SLC6A3: variants seen among roughly 807,000 people sequenced by gnomAD.
The protein encoded by SLC6A3 is sodium-dependent dopamine transporter.
In SLC6A3, 19 loss-of-function variants were observed where a neutral mutation model predicts 70.4. The ratio of observed to expected loss-of-function variants is 0.27; its 90% CI spans 0.19 to 0.40. SLC6A3 has a LOEUF of 0.40. Among genes scored for constraint, SLC6A3 ranks in the 10% least tolerant of loss-of-function variants. SLC6A3 has a pLI of 1.00. For missense variants in SLC6A3, 613 were observed against 838.5 expected (o/e 0.73, Z 3.32); for synonymous variants, 368 against 356.6 (o/e 1.03, Z -0.36).
chr5:1,414,616 A>G, intron 8 of SLC6A3, 75 bp downstream of exon 8: 1 of 1,554,856 alleles, frequency 6.4e-7, no homozygotes, highest in Non-Finnish European at 8.7e-7. Flanking sequence ...CCTCTTTCAC[A>G]AGGAAAAAGG....
At chr5:1,420,109 G>A (rs1756399263) in intron 6 of SLC6A3, among the ~76,000 whole-genome samples, 1 of 152,166 alleles carries the variant, frequency 6.6e-6, no homozygotes, top group Non-Finnish European at 1.5e-5. Flanking sequence ...GCGGCTTTGG[G>A]GCCTGCCACC....
intron 4 of SLC6A3, among the ~76,000 whole-genome samples, chr5:1,423,333 C>T (rs1756506374): frequency 6.7e-6 from 1 of 150,370 alleles, no homozygotes; most frequent in Non-Finnish European, 1.5e-5. Flanking sequence ...TGGGTACCCA[C>T]CGCTGCCCAC....
chr5:1,428,931 C>G (rs1333298766), intron 4 of SLC6A3, among the ~76,000 whole-genome samples: 1 of 152,220 alleles, frequency 6.6e-6, no homozygotes, highest in Non-Finnish European at 1.5e-5. Flanking sequence ...AAATTTATGA[C>G]ACGTCATGTT....
At position 1,402,840 on chromosome 5, in the gene SLC6A3, G is replaced by T; in HGVS notation, c.1767+82C>A. 1 of 1,395,778 alleles carries T rather than the reference G, an allele frequency of 7.2e-7. No individual in the cohort carries two copies. The highest frequency in any genetic ancestry group is 1.0e-6 in the Non-Finnish European group (1 of 998,874). The allele number at this position is 1,395,778 out of a possible 1,614,324, so 86.5% of individuals were successfully genotyped here. ...TCTTGGTCACAGATGACCCAGGCAG[G>T]TGAGGACTGGGGCCATGGACACCCA... On this transcript the variant is annotated intron_variant, in intron 13 of 14. Coordinates refer to ENST00000270349, the MANE Select transcript of SLC6A3 (RefSeq NM_001044.5). The surrounding 1 kb of genome is among the most constrained non-coding windows in gnomAD (Gnocchi z 8.5).
Position 1,413,886 on chromosome 5 carries a change from G to A in SLC6A3, c.1156+805C>T, listed in dbSNP as rs930406086. 2.0e-5 allele frequency among the ~76,000 whole-genome samples: 3 copies of A among 152,198 alleles called. No individual in the cohort carries two copies. Among genetic ancestry groups the A allele is most frequent in the Non-Finnish European group, 2.9e-5 (2 of 68,020 alleles). ...GTGCCTGGGCCCACTCTCAGCCCCT[G>A]CATCTGTGCCCGTCCTGCCGGCTCC... On this transcript the variant is annotated intron_variant, in intron 8 of 14. Coordinates refer to ENST00000270349, the MANE Select transcript of SLC6A3 (RefSeq NM_001044.5). The surrounding 1 kb of genome is among the most constrained non-coding windows in gnomAD (Gnocchi z 7.1).
In SLC6A3 at chr5:1,436,061, C is replaced by G. The variant is rs909090250; in HGVS notation, c.419-3363G>C. Among the ~76,000 whole-genome samples, 6 of 150,088 alleles carry G rather than the reference C, an allele frequency of 4.0e-5. No individual in the cohort carries two copies. Among genetic ancestry groups the G allele is most frequent in the Non-Finnish European group, 7.4e-5 (5 of 67,594 alleles). On this transcript the variant is annotated intron_variant, in intron 3 of 14. Transcript: ENST00000270349. The surrounding 1 kb of genome is among the most constrained non-coding windows in gnomAD (Gnocchi z 5.2). Reference sequence around the variant, plus strand: ...AATGGCTCCCTTGAACGGTGGTGGCCAGTCCCCTCCTGGATGCTTCCCTGG... The same window carrying G: ...AATGGCTCCCTTGAACGGTGGTGGCGAGTCCCCTCCTGGATGCTTCCCTGG...
At position 1,442,857 on chromosome 5, in the gene SLC6A3, G is replaced by A; in HGVS notation, c.286+55C>T. The A allele has an allele frequency of 6.3e-7, 1 of 1,587,952 alleles. No individual in the cohort carries two copies. The highest frequency in any genetic ancestry group is 8.6e-7 in the Non-Finnish European group (1 of 1,157,012). On this transcript the variant is annotated intron_variant, in intron 2 of 14. Transcript: ENST00000270349. This position sits in a 1 kb window ranked among gnomAD's most constrained non-coding sequence, Gnocchi z 5.0. ...TTCCGTACGTGCCTTGGCCCCGGCT[G>A]CCCCTACGACCCCCGCCCGGCCAGC... is the stretch of plus-strand genomic sequence containing the variant.
Position 1,414,500 on chromosome 5 carries a change from G to A in SLC6A3, c.1156+191C>T, listed in dbSNP as rs168682. 6.3e-4 allele frequency among the ~76,000 whole-genome samples: 91 copies of A among 145,240 alleles called. 1 individual carries two copies. Among genetic ancestry groups the A allele is most frequent in the East Asian group, 8.2e-4 (4 of 4,892 alleles). ...TGGGGGGCCTGGAGGGTCAGGGCGG[G>A]GAAGGCGCTGGGTGGGGGCAGGTCT... On this transcript the variant is annotated intron_variant, in intron 8 of 14. Transcript: ENST00000270349.
At chr5:1,424,185 C>T (rs545342304) in intron 4 of SLC6A3, among the ~76,000 whole-genome samples, 28 of 152,352 alleles carry the variant, frequency 1.8e-4, no homozygotes, top group African/African-American at 5.5e-4. Context: ...CTGAAACCAT[C>T]GCCACCATTC....
intron 14 of SLC6A3, among the ~76,000 whole-genome samples, chr5:1,395,117 A>G (rs969026971): frequency 6.6e-6 from 1 of 152,126 alleles, no homozygotes; most frequent in African/African-American, 2.4e-5. Context: ...TACCCCAGCG[A>G]CTTGGGTGTG....
At chr5:1,416,550 A>ATT in intron 6 of SLC6A3, 2 of 398,016 alleles carry the variant, frequency 5.0e-6, no homozygotes, top group South Asian at 2.5e-5. Context: ...CAGCATCCTA[A>ATT]TAACCCTCGG....
Position 1,393,810 on chromosome 5 carries a change from G to T in SLC6A3, c.*925C>A, listed in dbSNP as rs1211649938. ...AGTGGGGGCCCTGCATGCGTCCTGGGGTAGTACACGCTCCTGTGGGGGCCC... is the reference window on the plus strand; with the variant it reads ...AGTGGGGGCCCTGCATGCGTCCTGGTGTAGTACACGCTCCTGTGGGGGCCC... On this transcript the variant is annotated 3_prime_UTR_variant, in exon 15 of 15. Transcript: ENST00000270349. The T allele has an allele frequency of 6.9e-6, 1 of 145,680 alleles. No homozygotes were observed. Among genetic ancestry groups the T allele is most frequent in the African/African-American group, 2.7e-5 (1 of 36,780 alleles). 9.0% of individuals were successfully genotyped at this position (145,680 alleles called of 1,614,324 possible).
At chr5:1,400,644 G>A (rs1755826458) in intron 14 of SLC6A3, among the ~76,000 whole-genome samples, 1 of 152,164 alleles carries the variant, frequency 6.6e-6, no homozygotes, top group South Asian at 2.1e-4. Flanking sequence ...CGTGGTCTGG[G>A]ACATGCCCAG....
Position 1,434,402 on chromosome 5 carries a change from C to G in SLC6A3, c.419-1704G>C, listed in dbSNP as rs146356121. Reference sequence around the variant, plus strand: ...TGCCATCCACGGTCTTTTAGAGTGTCCTTTCCAGGATCACAGACCTGGAAT... The same window carrying G: ...TGCCATCCACGGTCTTTTAGAGTGTGCTTTCCAGGATCACAGACCTGGAAT... On this transcript the variant is annotated intron_variant, in intron 3 of 14. Coordinates refer to ENST00000270349, the MANE Select transcript of SLC6A3 (RefSeq NM_001044.5). Among the ~76,000 whole-genome samples, 1,104 of 152,366 alleles carry G rather than the reference C, an allele frequency of 7.2e-3. 15 individuals are homozygous for G. Among genetic ancestry groups the G allele is most frequent in the African/African-American group, 0.024 (997 of 41,580 alleles).
intron 6 of SLC6A3, 147 bp from the exon 7 acceptor site, chr5:1,416,348 T>C: frequency 4.3e-6 from 3 of 698,048 alleles, no homozygotes; most frequent in African/African-American, 1.8e-5. Flanking sequence ...AGACGACTGG[T>C]GGAAGATGCA....
intron 11 of SLC6A3, among the ~76,000 whole-genome samples, chr5:1,407,340 G>C (rs1343916530): frequency 6.6e-6 from 1 of 152,080 alleles, no homozygotes; most frequent in Non-Finnish European, 1.5e-5. Context: ...AGAGATGGAC[G>C]TGGGAGGCAG....
chr5:1,409,184 C>G (rs546373953), intron 10 of SLC6A3, 59 bp from the exon 11 acceptor site: 1 of 1,218,702 alleles, frequency 8.2e-7, no homozygotes, highest in Admixed American at 2.0e-5. Context: ...GTAAACCCAG[C>G]CTGGGGATTC....
At chr5:1,414,554 A>G (rs1045035545) in intron 8 of SLC6A3, 137 bp downstream of exon 8, 1 of 873,772 alleles carries the variant, frequency 1.1e-6, no homozygotes, top group Admixed American at 2.3e-5. Context: ...CCATCCTTCA[A>G]GAGTGAGGCA....
intron 1 of SLC6A3, among the ~76,000 whole-genome samples, chr5:1,444,970 G>C (rs1366099521): frequency 6.6e-6 from 1 of 152,118 alleles, no homozygotes; most frequent in Non-Finnish European, 1.5e-5. Context: ...AACCCACTCC[G>C]ATCGGATCTG....
Sources: gnomAD v4.1 joint callset for allele counts (sites outside exome capture counted in the v4.1 genomes callset) on GRCh38, gnomAD v4.1.1 for gene constraint, Gnocchi (gnomAD v3.1) non-coding constraint, MANE v1.5 for transcripts, NCBI Gene and HGNC (gene_info 2026-07-23, HGNC 2026-07-21) for gene names.